Variants in DNAH5 observed in about 807,000 individuals in gnomAD.
The protein encoded by DNAH5 is dynein axonemal heavy chain 5.
In DNAH5, 372 loss-of-function variants were observed where a neutral mutation model predicts 518.2. That is an observed-to-expected ratio of 0.72 (90% CI 0.66 to 0.78). The LOEUF (loss-of-function observed/expected upper bound fraction) is 0.78. Ranked by LOEUF, DNAH5 falls within the 30% of genes least tolerant of loss-of-function variation. DNAH5 has a pLI of 0.00. For synonymous variants in DNAH5, 2,039 were observed against 2,025.9 expected (o/e 1.01, Z -0.17); for missense variants, 5,523 against 5,687.0 (o/e 0.97, Z 0.93).
At chr5:13,899,960 G>T in intron 15 of DNAH5, 1 of 511,688 alleles carries the variant, frequency 2.0e-6, no homozygotes, top group Non-Finnish European at 3.4e-6. Flanking sequence ...TTTTTCAGTG[G>T]CTCGAAATCC....
chr5:13,915,421 C>G (rs1776540115), intron 9 of DNAH5, among the ~76,000 whole-genome samples: 1 of 152,030 alleles, frequency 6.6e-6, no homozygotes, highest in African/African-American at 2.4e-5. Flanking sequence ...TATGCTAAAT[C>G]AAGTTTTGCA....
chr5:13,851,780 G>A (rs1486957854), intron 30 of DNAH5, among the ~76,000 whole-genome samples: 3 of 151,966 alleles, frequency 2.0e-5, no homozygotes, highest in Admixed American at 6.5e-5. Context: ...TGGGAATCCT[G>A]GGCAAGATGG....
chr5:13,864,715 T>C, intron 27 of DNAH5, 78 bp from the exon 28 acceptor site: 2 of 1,511,032 alleles, frequency 1.3e-6, no homozygotes, highest in African/African-American at 1.4e-5. Flanking sequence ...CTGCTAGTAT[T>C]TCTATTAAAA....
Position 13,776,630 on chromosome 5 carries a change from G to T in DNAH5, c.9182C>A (p.Pro3061His). Residue 3061 changes from proline to histidine, a missense_variant, in exon 55 of 79, where the codon CCC (proline) becomes CAC (histidine). Transcript: ENST00000265104. ...DLASVMKKEF[P>H]RCLPTNENLH... ...GTTCTCATTGGTAGGAAGGCACCTG[G>T]GGAATTCTTTTTTCATGACTGATGC... 1 of 1,613,830 alleles carries T rather than the reference G, an allele frequency of 6.2e-7. No homozygotes were observed. Among genetic ancestry groups the T allele is most frequent in the Non-Finnish European group, 8.5e-7 (1 of 1,179,824 alleles).
chr5:13,911,322 GC>G, intron 12 of DNAH5, 63 bp downstream of exon 12: 1 of 1,265,848 alleles, frequency 7.9e-7, no homozygotes, highest in Non-Finnish European at 1.2e-6. Context: ...ATGATTAACG[GC>G]ATTATACAGA....
chr5:13,940,991 G>A (rs1779407008), intron 1 of DNAH5, among the ~76,000 whole-genome samples: 1 of 152,240 alleles, frequency 6.6e-6, no homozygotes, highest in African/African-American at 2.4e-5. Context: ...CCAGGGTCTA[G>A]CTATGGCATG....
At chr5:13,989,577 G>A (rs1020504725) in intron 1 of DNAH5, among the ~76,000 whole-genome samples, 3 of 148,800 alleles carry the variant, frequency 2.0e-5, no homozygotes, top group Non-Finnish European at 4.4e-5. Flanking sequence ...TCTGCCTCCC[G>A]GGTTCACGCC....
intron 5 of DNAH5, among the ~76,000 whole-genome samples, chr5:13,921,137 A>G (rs1777211137): frequency 6.6e-6 from 1 of 152,198 alleles, no homozygotes; most frequent in Non-Finnish European, 1.5e-5. Context: ...TATTTGGTCC[A>G]ACCTGCAATT....
intron 47 of DNAH5, among the ~76,000 whole-genome samples, chr5:13,795,623 G>A (rs1757709390): frequency 1.3e-5 from 2 of 152,172 alleles, no homozygotes; most frequent in African/African-American, 4.8e-5. Flanking sequence ...CCAGAGGTAC[G>A]AAGAGGAGCT....
chr5:13,754,781 G>A (rs370713121), intron 61 of DNAH5, among the ~76,000 whole-genome samples: 2 of 151,990 alleles, frequency 1.3e-5, no homozygotes, highest in South Asian at 2.1e-4. Flanking sequence ...CAGGTGATCC[G>A]CCAACCTAAG....
At chr5:13,776,856 G>A (rs1258762565) in intron 54 of DNAH5, 150 bp from the exon 55 acceptor site, 18 of 878,238 alleles carry the variant, frequency 2.0e-5, no homozygotes, top group Non-Finnish European at 3.0e-5. Context: ...AATACACTAC[G>A]TTTTAAAATA....
chr5:13,782,326 T>C (rs1472594265), intron 52 of DNAH5, among the ~76,000 whole-genome samples: 4 of 152,204 alleles, frequency 2.6e-5, no homozygotes, highest in African/African-American at 7.2e-5. Flanking sequence ...GTTGAAAATA[T>C]GCCTGGTTTT....
intron 75 of DNAH5, among the ~76,000 whole-genome samples, chr5:13,710,452 ACT>A (rs1743340749): frequency 1.3e-5 from 2 of 152,130 alleles, no homozygotes; most frequent in African/African-American, 4.8e-5. Flanking sequence ...AAGAAACCAA[ACT>A]CAAACCCAGC....
rs553104044 is a variant in DNAH5 at position 13,988,777 on chromosome 5, A to G, written c.12+22871T>C. ...TACTCTGTCACCTGGGTTGGAGTGC[A>G]GTGGTGTGGTGCGATCTCACCTCAC... On this transcript the variant is annotated intron_variant, in intron 1 of 78. Transcript: ENST00000681290. Among the ~76,000 whole-genome samples the G allele has an allele frequency of 2.2e-5, 3 of 139,464 alleles. No individual in the cohort carries two copies. The East Asian group carries it at 7.0e-4, about 32-fold the overall frequency. 91.5% of individuals were successfully genotyped at this position (139,464 alleles called of 152,430 possible).
intron 35 of DNAH5, among the ~76,000 whole-genome samples, chr5:13,835,513 G>T (rs1296888769): frequency 6.6e-6 from 1 of 152,074 alleles, no homozygotes. Flanking sequence ...TTGTCACCAC[G>T]TGCGCCAAGC....
intron 69 of DNAH5, among the ~76,000 whole-genome samples, chr5:13,728,737 C>CA (rs1746103072): frequency 6.6e-6 from 1 of 152,014 alleles, no homozygotes. Context: ...ATTTCCTCGT[C>CA]AAAAAAAGCC....
intron 45 of DNAH5, 24 bp downstream of exon 45, chr5:13,810,035 G>A (rs777494953): frequency 1.3e-6 from 2 of 1,549,048 alleles, no homozygotes; most frequent in Non-Finnish European, 1.7e-6. Context: ...CATGGGTTCC[G>A]TCTGGACGGG....
chr5:13,792,302 A>C, intron 49 of DNAH5, 85 bp from the exon 50 acceptor site: 2 of 1,122,932 alleles, frequency 1.8e-6, no homozygotes, highest in Non-Finnish European at 2.7e-6. Context: ...TAGGGTTTGC[A>C]AAAATGTCAT....
intron 51 of DNAH5, 79 bp from the exon 52 acceptor site, chr5:13,786,430 C>G: frequency 7.3e-7 from 1 of 1,364,392 alleles, no homozygotes; most frequent in Non-Finnish European, 1.0e-6. Context: ...ACACTCAAAG[C>G]TCTACAACCT....
Sources: allele counts gnomAD v4.1 joint callset (sites outside exome capture counted in the v4.1 genomes callset), GRCh38; gene constraint gnomAD v4.1.1; transcripts MANE v1.5; gene names NCBI Gene and HGNC (gene_info 2026-07-23, HGNC 2026-07-21).